Variants in CANX observed in about 807,000 individuals in gnomAD.
CANX encodes epididymis secretory sperm binding protein.
In CANX, 14 loss-of-function variants were observed where a neutral mutation model predicts 75.7. The observed-to-expected ratio is 0.19, with a 90% CI of 0.12 to 0.29. The LOEUF is 0.29. Among genes scored for constraint, CANX ranks in the 10% least tolerant of loss-of-function variants. CANX has a pLI of 1.00. For synonymous variants in CANX, 227 were observed against 236.9 expected (o/e 0.96, Z 0.38); for missense variants, 567 against 713.2 (o/e 0.79, Z 2.34).
chr5:179,697,305 C>A (rs1776430060), upstream of CANX, among the ~76,000 whole-genome samples: 1 of 152,126 alleles, frequency 6.6e-6, no homozygotes, highest in South Asian at 2.1e-4. Flanking sequence ...CTCAAATGAT[C>A]CACCTGCATC....
At chr5:179,683,823 C>T (rs1000754389) in intron 1 of CANX, among the ~76,000 whole-genome samples, 8 of 152,142 alleles carry the variant, frequency 5.3e-5, no homozygotes, top group Non-Finnish European at 8.8e-5. Context: ...TGTGAGCCAC[C>T]GCGCCCAGCC....
intron 1 of CANX, chr5:179,700,564 CTG>C (rs1427828803): frequency 6.6e-6 from 1 of 152,656 alleles, no homozygotes; most frequent in African/African-American, 2.4e-5. Context: ...CTCGAGTGAA[CTG>C]TGTGTGGGGG....
At chr5:179,726,404 G>A (rs979053959) in intron 13 of CANX, among the ~76,000 whole-genome samples, 14 of 151,748 alleles carry the variant, frequency 9.2e-5, no homozygotes, top group East Asian at 5.8e-4. Flanking sequence ...GTGAAACCCC[G>A]TCTCTACTAA....
intron 12 of CANX, 150 bp downstream of exon 12, chr5:179,723,929 T>G: frequency 1.5e-6 from 1 of 646,024 alleles, no homozygotes; most frequent in Non-Finnish European, 2.6e-6. Flanking sequence ...CCTTACTTAC[T>G]GTTCCTCAGT....
In CANX at chr5:179,701,988, A is replaced by G. The variant is rs1407702336; in HGVS notation, c.-4+2886A>G. On this transcript the variant is annotated intron_variant, in intron 1 of 14. Coordinates refer to ENST00000247461, the MANE Select transcript of CANX (RefSeq NM_001746.4). The stretch of plus-strand genomic sequence containing the variant: ...ACTCCTGAGCTCAGGCAGTCCGCCC[A>G]CCTCGGCCTCCCAAAGTGCTGGGAT... 4.0e-5 allele frequency among the ~76,000 whole-genome samples: 6 copies of G among 151,234 alleles called. No homozygotes were observed. The East Asian group carries it at 1.2e-3, about 30-fold the overall frequency.
chr5:179,708,929 C>A, intron 5 of CANX, 49 bp from the exon 6 acceptor site: 3 of 942,632 alleles, frequency 3.2e-6, no homozygotes, highest in South Asian at 1.3e-5. Flanking sequence ...AAGAGAGTTT[C>A]GATCTTTCAA....
intron 11 of CANX, 85 bp downstream of exon 11, chr5:179,723,104 T>TC (rs1482438427): frequency 4.4e-5 from 52 of 1,176,034 alleles, no homozygotes; most frequent in Middle Eastern, 2.1e-4. Context: ...TTTTTTTTCT[T>TC]CATTTGGCAA....
intron 9 of CANX, among the ~76,000 whole-genome samples, chr5:179,720,160 T>G (rs181132619): frequency 6.6e-6 from 1 of 152,210 alleles, no homozygotes; most frequent in African/African-American, 2.4e-5. Context: ...GAAGTCAATC[T>G]TAATACTTAA....
At chr5:179,706,187 G>T in intron 2 of CANX, 71 bp from the exon 3 acceptor site, 1 of 888,184 alleles carries the variant, frequency 1.1e-6, no homozygotes, top group South Asian at 1.5e-5. Context: ...CAAACCAGGA[G>T]AATAGATTCT....
intron 7 of CANX, among the ~76,000 whole-genome samples, chr5:179,714,326 A>G (rs1777777412): frequency 6.6e-6 from 1 of 152,022 alleles, no homozygotes; most frequent in Admixed American, 6.6e-5. Flanking sequence ...GTCATTACAC[A>G]TTATATACAT....
intron 7 of CANX, among the ~76,000 whole-genome samples, chr5:179,710,707 C>CAAAAGAAAAAAAAAA (rs1777489317): frequency 3.7e-5 from 1 of 27,380 alleles, no homozygotes; most frequent in Non-Finnish European, 9.1e-5. Flanking sequence ...GACTCCATCT[C>CAAAAGAAAAAAAAAA]AAAAAAAAAA....
Position 179,728,652 on chromosome 5 carries a change from T to C in CANX, c.*8T>C. ...AAGCCACGAAGAGAGTGAAACAATC[T>C]TAAGAGCTTGATCTGTGATTTCTTC... On this transcript the variant is annotated 3_prime_UTR_variant, in exon 15 of 15. Coordinates refer to ENST00000247461, the MANE Select transcript of CANX (RefSeq NM_001746.4). 1 of 1,602,140 alleles carries C rather than the reference T, an allele frequency of 6.2e-7. No homozygotes were observed. Among genetic ancestry groups the C allele is most frequent in the Non-Finnish European group, 8.6e-7 (1 of 1,169,280 alleles).
In CANX at chr5:179,730,528, C is replaced by T. The variant is rs560386963; in HGVS notation, c.*1884C>T. 25 of 152,350 alleles carry T rather than the reference C, an allele frequency of 1.6e-4. No individual in the cohort carries two copies. In the South Asian group the frequency reaches 4.1e-3, roughly 25 times the overall value. 9.4% of individuals were successfully genotyped at this position (152,350 alleles called of 1,614,324 possible). A position where few individuals can be genotyped will look rare whatever the true frequency, so the allele number is the denominator to read the frequency against. Reference sequence around the variant, plus strand: ...TGCATTTCCAGAAATCTGCCTCCTTCACCCTCCGTTGACAGTATATGTCAT... The same window carrying T: ...TGCATTTCCAGAAATCTGCCTCCTTTACCCTCCGTTGACAGTATATGTCAT... On this transcript the variant is annotated 3_prime_UTR_variant, in exon 15 of 15. Coordinates refer to ENST00000247461, the MANE Select transcript of CANX (RefSeq NM_001746.4).
chr5:179,711,148 G>A (rs545410166), intron 7 of CANX, among the ~76,000 whole-genome samples: 65 of 152,298 alleles, frequency 4.3e-4, no homozygotes, highest in East Asian at 1.4e-3. Flanking sequence ...TCTTGGCCAC[G>A]TATGGTGGCC....
chr5:179,708,077 T>TCCGCCTGCCCTCAGCCTC (rs1421724063), intron 4 of CANX, among the ~76,000 whole-genome samples, 162 bp from the exon 5 acceptor site: 1 of 152,134 alleles, frequency 6.6e-6, no homozygotes, highest in Non-Finnish European at 1.5e-5. Flanking sequence ...CCTTGAGTGA[T>TCCGCCTGCCCTCAGCCTC]CCGCCTGCCC....
intron 6 of CANX, 72 bp downstream of exon 6, chr5:179,709,131 G>A (rs1032375825): frequency 1.0e-4 from 92 of 923,636 alleles, no homozygotes; most frequent in African/African-American, 6.7e-4. Context: ...TAATTGGGCC[G>A]GGTGCAGTGG....
chr5:179,689,642 G>A (rs926648167), intron 1 of CANX, among the ~76,000 whole-genome samples: 11 of 151,964 alleles, frequency 7.2e-5, no homozygotes, highest in Non-Finnish European at 1.3e-4. Flanking sequence ...CGCCCGCCTC[G>A]GCCTCCCAAA....
chr5:179,692,081 A>G (rs1258468100), intron 1 of CANX, among the ~76,000 whole-genome samples: 2 of 104,678 alleles, frequency 1.9e-5, no homozygotes, highest in African/African-American at 3.7e-5. Flanking sequence ...TGCCCGGCCT[A>G]TTTTTTTTTT....
At chr5:179,725,354 G>T (rs1487431524) in intron 13 of CANX, among the ~76,000 whole-genome samples, 2 of 151,906 alleles carry the variant, frequency 1.3e-5, no homozygotes, top group African/African-American at 4.8e-5. Context: ...TTACAGGCGT[G>T]AGCCACCAGA....
Sources: allele counts gnomAD v4.1 joint callset (sites outside exome capture counted in the v4.1 genomes callset), GRCh38; gene constraint gnomAD v4.1.1; transcripts MANE v1.5; gene names NCBI Gene and HGNC (gene_info 2026-07-23, HGNC 2026-07-21).